The following RHOD variants were observed in gnomAD, a reference collection of about 807,000 sequenced individuals.
The protein encoded by RHOD is ras homolog family member D.
In RHOD, 11 loss-of-function variants were observed where a neutral mutation model predicts 16.7. The observed-to-expected ratio is 0.66, with a 90% confidence interval of 0.41 to 1.09. The LOEUF (loss-of-function observed/expected upper bound fraction) is 1.09, where lower values mean the gene tolerates loss of function less well. Among genes scored for constraint, RHOD ranks in the 50% least tolerant of loss-of-function variants. RHOD has a pLI of 0.00. For synonymous variants in RHOD, 124 were observed against 126.3 expected, an observed-to-expected ratio of 0.98 and a Z score of 0.12; for missense variants, 271 against 291.7, an observed-to-expected ratio of 0.93 and a Z score of 0.52.
rs573073940 is a variant in RHOD, at chr11:67,064,181, T to C, written c.133-1715T>C. On this transcript the variant is annotated intron_variant, in intron 1 of 4. Coordinates refer to ENST00000308831, the MANE Select transcript of RHOD (RefSeq NM_014578.4). ...CAGCACTTTGGGAGGCCGAGGCGGG[T>C]GGATCACGAGGTCAGGAGATCGAGA... Among the ~76,000 whole-genome samples the C allele has an allele frequency of 3.2e-3, 383 of 120,560 alleles. 1 individual carries two copies. Among genetic ancestry groups the C allele is most frequent in the Non-Finnish European group, 4.8e-3 (281 of 58,944 alleles). The allele number at this position is 120,560 out of a possible 152,430, so 79.1% of individuals were successfully genotyped here.
chr11:67,069,674 T>G (rs550204418), intron 3 of RHOD, among the ~76,000 whole-genome samples: 6 of 143,096 alleles, frequency 4.2e-5, no homozygotes, highest in Non-Finnish European at 7.6e-5. Flanking sequence ...TTGATTGATT[T>G]ATTTTTATCT....
At chr11:67,066,009 TGGGA>T in intron 2 of RHOD, 26 bp downstream of exon 2, 18 of 566,840 alleles carry the variant, frequency 3.2e-5, no homozygotes, top group Non-Finnish European at 6.2e-5. Flanking sequence ...TGGGGCAGGG[TGGGA>T]GGGGCTTCTG....
At chr11:67,071,318 G>C in intron 4 of RHOD, 117 bp from the exon 5 acceptor site, 1 of 922,666 alleles carries the variant, frequency 1.1e-6, no homozygotes, top group Non-Finnish European at 1.5e-6. Context: ...GCAGGGATAC[G>C]GGAGCCATGG....
intron 3 of RHOD, among the ~76,000 whole-genome samples, chr11:67,068,387 G>A (rs964278829): frequency 8.5e-5 from 13 of 152,230 alleles, no homozygotes; most frequent in African/African-American, 3.1e-4. Context: ...GGAGGAGGAG[G>A]GCAAGGCCCC....
At chr11:67,061,982 G>A (rs920325715) in intron 1 of RHOD, among the ~76,000 whole-genome samples, 18 of 150,968 alleles carry the variant, frequency 1.2e-4, no homozygotes, top group Admixed American at 5.3e-4. Flanking sequence ...GCCTGACTCC[G>A]TCGAAAAAAA....
intron 1 of RHOD, among the ~76,000 whole-genome samples, chr11:67,063,030 G>C (rs1854910837): frequency 6.6e-6 from 1 of 152,238 alleles, no homozygotes; most frequent in South Asian, 2.1e-4. Context: ...GGCAGGGCTG[G>C]AGTAAGGGGC....
chr11:67,069,274 C>A (rs569801247), intron 3 of RHOD, among the ~76,000 whole-genome samples: 1 of 152,356 alleles, frequency 6.6e-6, no homozygotes, highest in East Asian at 1.9e-4. Flanking sequence ...GCCCTGGTGG[C>A]CTCACATTCT....
chr11:67,061,423 G>C (rs969115237), intron 1 of RHOD, among the ~76,000 whole-genome samples: 1 of 152,016 alleles, frequency 6.6e-6, no homozygotes, highest in Non-Finnish European at 1.5e-5. Flanking sequence ...ACCTGAGGTC[G>C]GAAGTTCGAG....
chr11:67,067,990 G>A (rs545703253), intron 3 of RHOD, among the ~76,000 whole-genome samples: 7 of 152,136 alleles, frequency 4.6e-5, no homozygotes, highest in Non-Finnish European at 8.8e-5. Context: ...TAGTAGAGAC[G>A]GGGTTTCACC....
Position 67,071,540 on chromosome 11 carries a change from C to T in RHOD, c.571C>T (p.Leu191Phe), listed in dbSNP as rs751900174. ...CTTCCAGGAGGCCGCCGAGGTGGCC[C>T]TCAGCAGCCGCGGTCGCAACTTCTG... ...AVFQEAAEVA[L>F]SSRGRNFWRR... The change falls in exon 5 of 5, where the codon CTC (leucine) becomes TTC (phenylalanine). Residue 191 changes from leucine (L) to phenylalanine (F), a missense_variant. Transcript: ENST00000308831. 6.8e-6 allele frequency: 11 copies of T among 1,612,034 alleles called. No individual in the cohort carries two copies. Among genetic ancestry groups the T allele is most frequent in the Middle Eastern group, 1.7e-4 (1 of 6,056 alleles).
chr11:67,061,422 C>T (rs563939629), intron 1 of RHOD, among the ~76,000 whole-genome samples: 4 of 152,170 alleles, frequency 2.6e-5, no homozygotes, highest in South Asian at 2.1e-4. Context: ...CACCTGAGGT[C>T]GGAAGTTCGA....
chr11:67,068,295 T>C (rs1335535097), intron 3 of RHOD, among the ~76,000 whole-genome samples: 2 of 151,932 alleles, frequency 1.3e-5, no homozygotes, highest in African/African-American at 4.8e-5. Flanking sequence ...AAGCTACGGG[T>C]GCAGTAAAGC....
rs147457407 is a variant in RHOD at position 67,060,144 on chromosome 11, C to T, written c.132+3110C>T. Among the ~76,000 whole-genome samples the T allele has an allele frequency of 5.2e-4, 79 of 152,340 alleles. No individual in the cohort carries two copies. In the East Asian group the frequency reaches 0.014, roughly 28 times the overall value. ...GGGATAGGAGGTGGCAGGGAGCACC[C>T]GGCCCTGCTGGCTAGAGCCCCCTGG... On this transcript the variant is annotated intron_variant, in intron 1 of 4. Coordinates refer to ENST00000308831, the MANE Select transcript of RHOD (RefSeq NM_014578.4).
chr11:67,065,224 T>G (rs1854943052), intron 1 of RHOD, among the ~76,000 whole-genome samples: 1 of 152,090 alleles, frequency 6.6e-6, no homozygotes. Context: ...TACAGGCATG[T>G]GCCACCACGC....
intron 3 of RHOD, among the ~76,000 whole-genome samples, chr11:67,068,113 A>G (rs1278109233): frequency 6.6e-6 from 1 of 152,010 alleles, no homozygotes; most frequent in African/African-American, 2.4e-5. Flanking sequence ...AGGAGTTTTT[A>G]CCAGAGCAGC....
intron 4 of RHOD, among the ~76,000 whole-genome samples, chr11:67,071,057 A>C (rs931717596): frequency 6.6e-6 from 1 of 151,936 alleles, no homozygotes; most frequent in Non-Finnish European, 1.5e-5. Context: ...AAATAGCGAG[A>C]CCCTGTCTCT....
Position 67,071,980 on chromosome 11 carries a change from C to A in RHOD, c.*378C>A. The A allele has an allele frequency of 4.4e-6, 1 of 226,658 alleles. No homozygotes were observed. The highest frequency in any genetic ancestry group is 8.5e-6 in the Non-Finnish European group (1 of 117,108). 14.0% of individuals were successfully genotyped at this position (226,658 alleles called of 1,614,324 possible). ...CCACACCCGGCCCCTTCCCACCTGT[C>A]ATACTGGTAACTGTAACAAGAAAAA... is the stretch of plus-strand genomic sequence containing the variant. On this transcript the variant is annotated 3_prime_UTR_variant, in exon 5 of 5. Coordinates refer to ENST00000308831, the MANE Select transcript of RHOD (RefSeq NM_014578.4).
At chr11:67,070,203 A>G in intron 3 of RHOD, 1 of 631,422 alleles carries the variant, frequency 1.6e-6, no homozygotes, top group Non-Finnish European at 2.9e-6. Context: ...GTACAGTGGG[A>G]TTGGTTGTGA....
chr11:67,066,002 G>A lies in RHOD; in HGVS notation c.220+19G>A, dbSNP rs1429979030. ...ACAGCAGGTGGGTGTGCAGGGGTGG[G>A]GCAGGGTGGGAGGGGCTTCTGTGGG... On this transcript the variant is annotated intron_variant, in intron 2 of 4. Transcript: ENST00000308831. The A allele has an allele frequency of 2.1e-6, 3 of 1,453,648 alleles. No homozygotes were observed. The highest frequency in any genetic ancestry group is 1.1e-5 in the South Asian group (1 of 87,336). 90.0% of individuals were successfully genotyped at this position (1,453,648 alleles called of 1,614,324 possible).
Sources: gnomAD v4.1 joint callset for allele counts (sites outside exome capture counted in the v4.1 genomes callset) on GRCh38, gnomAD v4.1.1 for gene constraint, MANE v1.5 for transcripts, NCBI Gene and HGNC (gene_info 2026-07-23, HGNC 2026-07-21) for gene names.